DOCK1: variants seen among roughly 807,000 people sequenced by gnomAD.
DOCK1 encodes dedicator of cytokinesis protein 1.
Under a neutral mutation model 262.7 loss-of-function variants are expected in DOCK1, and 138 were observed. The ratio of observed to expected loss-of-function variants is 0.53; its 90% CI spans 0.46 to 0.61. The LOEUF (loss-of-function observed/expected upper bound fraction) is 0.61, where lower values mean the gene tolerates loss of function less well. Among genes scored for constraint, DOCK1 ranks in the 20% least tolerant of loss-of-function variants. The pLI, the probability that DOCK1 is intolerant of heterozygous loss-of-function variation, is 0.00. For missense variants in DOCK1, 1,908 were observed against 2,370.7 expected, an observed-to-expected ratio of 0.80 and a Z score of 4.05; for synonymous variants, 866 against 867.4, an observed-to-expected ratio of 1.00 and a Z score of 0.03.
chr10:127,424,872 G>T (rs1591001317), intron 46 of DOCK1, among the ~76,000 whole-genome samples: 1 of 152,276 alleles, frequency 6.6e-6, no homozygotes, highest in African/African-American at 2.4e-5. Context: ...AGGCTAGGAG[G>T]GCTATGAGCG....
chr10:127,337,480 T>C (rs2063251553), intron 29 of DOCK1, among the ~76,000 whole-genome samples: 4 of 151,214 alleles, frequency 2.6e-5, no homozygotes, highest in African/African-American at 9.7e-5. Context: ...TGTATTCCGC[T>C]TTTTTTTTCT....
rs529851560 is a variant in DOCK1, at chr10:127,017,807, C to T, written c.1202-903C>T. Among the ~76,000 whole-genome samples, 175 of 54,702 alleles carry T rather than the reference C, an allele frequency of 3.2e-3. 2 individuals are homozygous for T. The highest frequency in any genetic ancestry group is 0.014 in the African/African-American group (165 of 11,550). The allele number at this position is 54,702 out of a possible 152,430, so 35.9% of individuals were successfully genotyped here. ...CCCTTCCCATGGGGGGAAAAGATGC[C>T]GTCGTCGTAGAAGACAGCTCAGGCC... On this transcript the variant is annotated intron_variant, in intron 12 of 51. Transcript: ENST00000623213.
At chr10:127,347,306 T>TA (rs2063677203) in intron 31 of DOCK1, among the ~76,000 whole-genome samples, 1 of 152,154 alleles carries the variant, frequency 6.6e-6, no homozygotes. Flanking sequence ...AAGAAGGTCA[T>TA]GGTCTAGTGG....
chr10:127,078,722 T>C (rs1245735720), intron 23 of DOCK1, among the ~76,000 whole-genome samples: 2 of 152,098 alleles, frequency 1.3e-5, no homozygotes, highest in Non-Finnish European at 2.9e-5. Flanking sequence ...AACAAGTAGA[T>C]AAAGAACATG....
Position 127,176,582 on chromosome 10 carries a change from A to G in DOCK1, c.2847+48818A>G, listed in dbSNP as rs1186147816. 6.6e-6 allele frequency among the ~76,000 whole-genome samples: 1 copy of G among 152,168 alleles called. No homozygotes were observed. The highest frequency in any genetic ancestry group is 1.5e-5 in the Non-Finnish European group (1 of 68,030). On this transcript the variant is annotated intron_variant, in intron 27 of 51. Transcript: ENST00000623213. This position sits in a 1 kb window ranked among gnomAD's most constrained non-coding sequence, Gnocchi z 4.4. The stretch of plus-strand genomic sequence containing the variant: ...GAGAGTCGCTGGCAGCACAGCTTGA[A>G]ATGCTTCTCAGATATTAAAGCCTGC...
At chr10:127,266,258 T>C (rs1295953494) in intron 29 of DOCK1, among the ~76,000 whole-genome samples, 1 of 152,236 alleles carries the variant, frequency 6.6e-6, no homozygotes, top group Non-Finnish European at 1.5e-5. Flanking sequence ...GAGAAACTCT[T>C]GGATTATTAC....
intron 27 of DOCK1, chr10:127,153,906 C>T: frequency 6.2e-7 from 1 of 1,613,880 alleles, no homozygotes; most frequent in Non-Finnish European, 8.5e-7. Context: ...TGTGTCTTGC[C>T]CCGTCCGATA....
chr10:127,262,544 A>T (rs1222685996), intron 29 of DOCK1, among the ~76,000 whole-genome samples: 1 of 152,022 alleles, frequency 6.6e-6, no homozygotes, highest in Non-Finnish European at 1.5e-5. Flanking sequence ...AATAAACAAC[A>T]TGAATGTTTA....
rs5788842 is a variant in DOCK1 at position 127,437,478 on chromosome 10, CTTTT to C, written c.5061-1531_5061-1528del. On this transcript the variant is annotated intron_variant, in intron 48 of 51. Coordinates refer to ENST00000623213, the MANE Select transcript of DOCK1 (RefSeq NM_001290223.2). The surrounding 1 kb of genome is among the most constrained non-coding windows in gnomAD (Gnocchi z 4.4). The stretch of plus-strand genomic sequence containing the variant: ...GGAGCAAGATTGCTGCAATGACCAT[CTTTT>C]TTTTTTTTTTTTTTTTTGAGACAGG... Among the ~76,000 whole-genome samples, 3 of 145,986 alleles carry C rather than the reference CTTTT, an allele frequency of 2.1e-5. No homozygotes were observed. The highest frequency in any genetic ancestry group is 2.1e-4 in the Admixed American group (3 of 14,632).
rs2046313928 is a variant in DOCK1 at position 127,072,883 on chromosome 10, TA to T, written c.2445+11108del. On this transcript the variant is annotated intron_variant, in intron 23 of 51. Coordinates refer to ENST00000623213, the MANE Select transcript of DOCK1 (RefSeq NM_001290223.2). ...TAGCTGACTCATTGATGGAAACATT[TA>T]TATCCCACATCCACTGGCTCTTGTC... is the stretch of plus-strand genomic sequence containing the variant. Among the ~76,000 whole-genome samples the T allele has an allele frequency of 5.3e-5, 8 of 152,220 alleles. 1 individual carries two copies. The South Asian group carries it at 1.7e-3, about 32-fold the overall frequency.
chr10:127,151,632 C>G (rs1351116755), intron 27 of DOCK1, among the ~76,000 whole-genome samples: 1 of 152,128 alleles, frequency 6.6e-6, no homozygotes, highest in African/African-American at 2.4e-5. Flanking sequence ...CCCAAATCAC[C>G]CGTCTGTAAA....
intron 27 of DOCK1, among the ~76,000 whole-genome samples, chr10:127,239,058 C>A (rs1328266018): frequency 3.3e-5 from 5 of 152,138 alleles, no homozygotes; most frequent in African/African-American, 9.7e-5. Flanking sequence ...TCCTGCACAC[C>A]CTGCTGGACA....
intron 25 of DOCK1, among the ~76,000 whole-genome samples, chr10:127,124,072 A>G (rs927758744): frequency 2.0e-5 from 3 of 152,308 alleles, no homozygotes; most frequent in East Asian, 3.9e-4. Context: ...CGCTGGAGAC[A>G]GGGGAGTAGA....
intron 29 of DOCK1, among the ~76,000 whole-genome samples, chr10:127,298,919 C>G (rs185252389): frequency 6.0e-4 from 91 of 152,144 alleles, no homozygotes; most frequent in Admixed American, 9.2e-4. Flanking sequence ...CGGATGATCT[C>G]GAGGTGGTCC....
intron 23 of DOCK1, among the ~76,000 whole-genome samples, chr10:127,070,250 C>CTTTTTTTTTTT (rs71032535): frequency 4.3e-5 from 4 of 92,948 alleles, no homozygotes; most frequent in Non-Finnish European, 5.9e-5. Flanking sequence ...GAATTTAGCC[C>CTTTTTTTTTTT]TTTTTTTTTT....
At chr10:127,031,776 T>G (rs2135529963) in intron 17 of DOCK1, 23 bp downstream of exon 17, 1 of 1,593,846 alleles carries the variant, frequency 6.3e-7, no homozygotes, top group East Asian at 2.2e-5. Context: ...ATTGGTGCAA[T>G]ATTGCTGCTA....
chr10:126,931,219 T>C (rs36131860), intron 1 of DOCK1, among the ~76,000 whole-genome samples: 75,714 of 151,990 alleles, frequency 0.5, 20,746 homozygotes, highest in African/African-American at 0.73. Context: ...CTCATGAGCT[T>C]AGACTTGGAG....
intron 25 of DOCK1, among the ~76,000 whole-genome samples, chr10:127,122,086 G>T (rs1440527826): frequency 6.6e-6 from 1 of 152,226 alleles, no homozygotes; most frequent in African/African-American, 2.4e-5. Flanking sequence ...AGGCCTTCCT[G>T]TACCTGGGTC....
chr10:127,328,551 TTGCCAGGGATGGCAGGGA>T (rs1201141040), intron 29 of DOCK1, among the ~76,000 whole-genome samples: 1 of 152,100 alleles, frequency 6.6e-6, no homozygotes, highest in Non-Finnish European at 1.5e-5. Flanking sequence ...GATCAGAGGC[TTGCCAGGGATGGCAGGGA>T]CGCCAGGGAC....
Sources: allele counts gnomAD v4.1 joint callset (sites outside exome capture counted in the v4.1 genomes callset), GRCh38; gene constraint gnomAD v4.1.1; non-coding constraint Gnocchi (gnomAD v3.1); transcripts MANE v1.5; gene names NCBI Gene and HGNC (gene_info 2026-07-23, HGNC 2026-07-21).